Variants in MTMR6 observed in about 807,000 individuals in gnomAD.
The protein encoded by MTMR6 is myotubularin related protein 6.
Under a neutral mutation model 80.1 loss-of-function variants are expected in MTMR6, and 47 were observed. That is an observed-to-expected ratio of 0.59 (90% confidence interval 0.46 to 0.75). The LOEUF is 0.75. Ranked by LOEUF, MTMR6 falls within the 30% of genes least tolerant of loss-of-function variation. MTMR6 has a pLI of 0.00. For missense variants in MTMR6, 629 were observed against 730.9 expected, an observed-to-expected ratio of 0.86 and a Z score of 1.61; for synonymous variants, 254 against 253.0, an observed-to-expected ratio of 1.00 and a Z score of -0.04.
intron 1 of MTMR6, among the ~76,000 whole-genome samples, chr13:25,281,172 G>C (rs1273239117): frequency 6.6e-6 from 1 of 152,048 alleles, no homozygotes; most frequent in Non-Finnish European, 1.5e-5. Context: ...TACAGAAAAA[G>C]AAAATTATTT....
chr13:25,278,355 G>A (rs1957771323), intron 1 of MTMR6, among the ~76,000 whole-genome samples: 1 of 152,168 alleles, frequency 6.6e-6, no homozygotes, highest in African/African-American at 2.4e-5. Flanking sequence ...CACTTTGGGA[G>A]GCAGAGGTAA....
intron 2 of MTMR6, among the ~76,000 whole-genome samples, chr13:25,269,377 T>C (rs918738243): frequency 1.3e-5 from 2 of 152,206 alleles, no homozygotes; most frequent in Non-Finnish European, 2.9e-5. Flanking sequence ...AGTCCTACTA[T>C]AAACTCAATA....
chr13:25,248,807 T>G lies in MTMR6; in HGVS notation c.*425A>C, dbSNP rs971780973. ...TTAAATATCACTAAAAGGCAAAATA[T>G]GTAAATATTCATAGTTACAAAGCTA... On this transcript the variant is annotated 3_prime_UTR_variant, in exon 14 of 14. Transcript: ENST00000381801. The G allele has an allele frequency of 6.5e-6, 1 of 154,552 alleles. No homozygotes were observed. The highest frequency in any genetic ancestry group is 2.4e-5 in the African/African-American group (1 of 41,544). The allele number at this position is 154,552 out of a possible 1,614,324, so 9.6% of individuals were successfully genotyped here. A position where few individuals can be genotyped will look rare whatever the true frequency, so the allele number is the denominator to read the frequency against.
Position 25,287,300 on chromosome 13 carries a change from A to C in MTMR6, c.-53T>G. 1.3e-6 allele frequency: 2 copies of C among 1,565,334 alleles called. No homozygotes were observed. The highest frequency in any genetic ancestry group is 8.6e-7 in the Non-Finnish European group (1 of 1,158,886). Reference sequence around the variant, plus strand: ...TCTCACAGGCGTACCATACGGCTACAGAAACAGGGCGGTGACAGCGACAGA... The same window carrying C: ...TCTCACAGGCGTACCATACGGCTACCGAAACAGGGCGGTGACAGCGACAGA... On this transcript the variant is annotated 5_prime_UTR_variant, in exon 1 of 14. Coordinates refer to ENST00000381801, the MANE Select transcript of MTMR6 (RefSeq NM_004685.5).
rs1957138243 is a variant in MTMR6 at position 25,253,887 on chromosome 13, G to A, written c.1223C>T (p.Thr408Ile). ...TTCAAAGGCTTGTGGAAACTGTTCG[G>A]TCAAATGCCACACACATTCCAAGAA... ...TQFLECVWHL[T>I]EQFPQAFEFS... The change falls in exon 11 of 14, where the codon ACC becomes ATC. Residue 408 changes from threonine (T) to isoleucine (I), a missense_variant. By Grantham distance (89) the Thr-to-Ile change is moderately conservative (BLOSUM62 -1). Coordinates refer to ENST00000381801, the MANE Select transcript of MTMR6 (RefSeq NM_004685.5). The A allele has an allele frequency of 6.2e-7, 1 of 1,614,000 alleles. No individual in the cohort carries two copies. The highest frequency in any genetic ancestry group is 1.1e-5 in the South Asian group (1 of 91,088).
chr13:25,249,989 A>G (rs1957052409), intron 13 of MTMR6, among the ~76,000 whole-genome samples: 1 of 152,184 alleles, frequency 6.6e-6, no homozygotes, highest in Admixed American at 6.5e-5. Flanking sequence ...AGATTTTTAA[A>G]GTGTCCTGTG....
At chr13:25,285,014 A>G (rs1957926912) in intron 1 of MTMR6, among the ~76,000 whole-genome samples, 1 of 151,930 alleles carries the variant, frequency 6.6e-6, no homozygotes, top group Admixed American at 6.6e-5. Context: ...AAGTAGTTTT[A>G]ATAGACAATT....
intron 2 of MTMR6, among the ~76,000 whole-genome samples, chr13:25,271,448 G>A (rs1343310803): frequency 1.3e-5 from 2 of 152,150 alleles, no homozygotes; most frequent in Non-Finnish European, 2.9e-5. Flanking sequence ...CACAGTCTAC[G>A]TGAGCTCATT....
chr13:25,249,736 G>A lies in MTMR6; in HGVS notation c.1606-244C>T, dbSNP rs148176740. Among the ~76,000 whole-genome samples, 52 of 152,182 alleles carry A rather than the reference G, an allele frequency of 3.4e-4. No homozygotes were observed. In the East Asian group the frequency reaches 0.01, roughly 29 times the overall value. On this transcript the variant is annotated intron_variant, in intron 13 of 13. Coordinates refer to ENST00000381801, the MANE Select transcript of MTMR6 (RefSeq NM_004685.5). Reference sequence around the variant, plus strand: ...ACAAACAATCCAGCAAGACTTGACTGCAGGCGATCACTAGGCTTCCACACT... The same window carrying A: ...ACAAACAATCCAGCAAGACTTGACTACAGGCGATCACTAGGCTTCCACACT...
chr13:25,274,939 G>GACAGACACACACACACATAC (rs141646990), intron 1 of MTMR6, among the ~76,000 whole-genome samples: 1 of 42,968 alleles, frequency 2.3e-5, no homozygotes, highest in African/African-American at 5.7e-5. Flanking sequence ...CTAGTAGACA[G>GACAGACACACACACACATAC]ACACACACAC....
intron 2 of MTMR6, 49 bp downstream of exon 2, chr13:25,274,022 C>T (rs1957644561): frequency 1.6e-6 from 2 of 1,220,424 alleles, no homozygotes; most frequent in South Asian, 2.6e-5. Context: ...ACATGACAGA[C>T]CAAGTCCATT....
At chr13:25,280,267 C>A (rs1316387532) in intron 1 of MTMR6, among the ~76,000 whole-genome samples, 1 of 152,172 alleles carries the variant, frequency 6.6e-6, no homozygotes, top group Non-Finnish European at 1.5e-5. Context: ...ATATTCAAAT[C>A]TATATAACAG....
At chr13:25,275,493 C>A (rs538240838) in intron 1 of MTMR6, among the ~76,000 whole-genome samples, 2 of 151,958 alleles carry the variant, frequency 1.3e-5, no homozygotes, top group Non-Finnish European at 2.9e-5. Context: ...TTTTTTAAAT[C>A]GTTTATATCT....
chr13:25,282,663 T>C (rs976797958), intron 1 of MTMR6, among the ~76,000 whole-genome samples: 1 of 151,352 alleles, frequency 6.6e-6, no homozygotes, highest in Admixed American at 6.6e-5. Context: ...CTGGATGCCG[T>C]GGCACGATCT....
At position 25,253,758 on chromosome 13, in the gene MTMR6, T is replaced by TCTTA; in HGVS notation, c.1346+2_1346+5dup. 2 of 1,612,600 alleles carry TCTTA rather than the reference T, an allele frequency of 1.2e-6. No individual in the cohort carries two copies. Among genetic ancestry groups the TCTTA allele is most frequent in the Non-Finnish European group, 1.7e-6 (2 of 1,178,992 alleles). ...AAAGGAGACTCTTTTAATTGAATCA[T>TCTTA]CTTACTTGAGCTCTTCTCTTTCCTT... is the stretch of plus-strand genomic sequence containing the variant. On this transcript the variant is annotated splice_donor_region_variant and intron_variant, in intron 11 of 13. Transcript: ENST00000381801.
At chr13:25,250,178 T>C (rs888516346) in intron 13 of MTMR6, among the ~76,000 whole-genome samples, 26 of 152,338 alleles carry the variant, frequency 1.7e-4, no homozygotes, top group Non-Finnish European at 2.2e-4. Flanking sequence ...ACAGTCTTAC[T>C]GTTATAACTG....
intron 2 of MTMR6, among the ~76,000 whole-genome samples, chr13:25,272,427 A>G (rs1957599625): frequency 6.6e-6 from 1 of 152,198 alleles, no homozygotes; most frequent in South Asian, 2.1e-4. Flanking sequence ...AGAACTCTTT[A>G]TTTGTTTTCT....
At chr13:25,265,975 T>C (rs1368126173) in intron 4 of MTMR6, 28 bp from the exon 5 acceptor site, 2 of 1,608,264 alleles carry the variant, frequency 1.2e-6, no homozygotes, top group Non-Finnish European at 8.5e-7. Context: ...AACATAACCA[T>C]TGTATTCTTA....
At position 25,249,216 on chromosome 13, in the gene MTMR6, A is replaced by G; in HGVS notation, c.*16T>C. ...TTTTCTTGTACTGCAATCATTGCAG[A>G]AAAAACTCTATGAGTCTAACAAGTC... On this transcript the variant is annotated 3_prime_UTR_variant, in exon 14 of 14. Transcript: ENST00000381801. 6.2e-7 allele frequency: 1 copy of G among 1,606,486 alleles called. No individual in the cohort carries two copies. The highest frequency in any genetic ancestry group is 8.5e-7 in the Non-Finnish European group (1 of 1,174,556).
Sources: allele counts gnomAD v4.1 joint callset (sites outside exome capture counted in the v4.1 genomes callset), GRCh38; gene constraint gnomAD v4.1.1; transcripts MANE v1.5; gene names NCBI Gene and HGNC (gene_info 2026-07-23, HGNC 2026-07-21).